The following PCDHGA3 variants were observed in gnomAD, a reference collection of about 807,000 sequenced individuals.
The protein encoded by PCDHGA3 is protocadherin gamma subfamily A, 3, also known as protocadherin gamma-A3.
PCDHGA3 carries 40 observed loss-of-function variants against 58.5 expected under a neutral mutation model. The ratio of observed to expected loss-of-function variants is 0.68; its 90% CI spans 0.53 to 0.89. PCDHGA3 has a LOEUF of 0.89. Ranked by LOEUF, PCDHGA3 falls within the 40% of genes least tolerant of loss-of-function variation. The pLI, the probability that PCDHGA3 is intolerant of heterozygous loss-of-function variation, is 0.00. For synonymous variants in PCDHGA3, 530 were observed against 525.7 expected (o/e 1.01, Z -0.11); for missense variants, 1,223 against 1,195.9 (o/e 1.02, Z -0.33).
At position 141,398,135 on chromosome 5, in the gene PCDHGA3, G is replaced by A. The variant is rs771670845; in HGVS notation, c.2424+51678G>A. ...CTGAGGAGAGCAAGAGGGATGGGGAGCGGCGCCGGGGAGCTGGGCCGGGCT... is the reference window on the plus strand; with the variant it reads ...CTGAGGAGAGCAAGAGGGATGGGGAACGGCGCCGGGGAGCTGGGCCGGGCT... On this transcript the variant is annotated intron_variant, in intron 1 of 3. Transcript: ENST00000253812. 4 of 1,556,792 alleles carry A rather than the reference G, an allele frequency of 2.6e-6. No individual in the cohort carries two copies. Among genetic ancestry groups the A allele is most frequent in the Non-Finnish European group, 3.5e-6 (4 of 1,157,318 alleles).
At chr5:141,352,001 G>C in intron 1 of PCDHGA3, 2 of 1,610,646 alleles carry the variant, frequency 1.2e-6, no homozygotes, top group East Asian at 2.2e-5. Flanking sequence ...CGCAGAGCCC[G>C]GCTACCTGGT....
chr5:141,444,082 A>G (rs942113441), intron 1 of PCDHGA3, among the ~76,000 whole-genome samples: 2 of 151,044 alleles, frequency 1.3e-5, no homozygotes, highest in African/African-American at 2.4e-5. Flanking sequence ...TCACCTGAAA[A>G]GTCTGCTAAG....
At chr5:141,421,306 T>C (rs1356157966) in intron 1 of PCDHGA3, 1 of 1,613,564 alleles carries the variant, frequency 6.2e-7, no homozygotes, top group South Asian at 1.1e-5. Context: ...GCTGCGGGGG[T>C]TCCGGGCCAG....
chr5:141,373,347 G>A (rs1769499263), intron 1 of PCDHGA3, among the ~76,000 whole-genome samples: 1 of 152,178 alleles, frequency 6.6e-6, no homozygotes. Context: ...GGCAACTCTT[G>A]TAATGGGCAC....
At position 141,356,954 on chromosome 5, in the gene PCDHGA3, G is replaced by C. The variant is rs769188767; in HGVS notation, c.2424+10497G>C. On this transcript the variant is annotated intron_variant, in intron 1 of 3. Coordinates refer to ENST00000253812, the MANE Select transcript of PCDHGA3 (RefSeq NM_018916.4). ...CTGGCACCCCGCTCCGCAGATTCCG[G>C]CTACCTGGTGACCAAAGTGGTGGCA... is the stretch of plus-strand genomic sequence containing the variant. The C allele has an allele frequency of 1.5e-5, 24 of 1,614,098 alleles. No individual in the cohort carries two copies. The Admixed American group carries it at 4.0e-4, about 27-fold the overall frequency.
rs1452602466 is a variant in PCDHGA3 at position 141,481,941 on chromosome 5, C to A, written c.2425-12866C>A. Among the ~76,000 whole-genome samples, 4 of 146,990 alleles carry A rather than the reference C, an allele frequency of 2.7e-5. No individual in the cohort carries two copies. The Admixed American group carries it at 2.7e-4, about 10-fold the overall frequency. On this transcript the variant is annotated intron_variant, in intron 1 of 3. Coordinates refer to ENST00000253812, the MANE Select transcript of PCDHGA3 (RefSeq NM_018916.4). ...AAAAAAAAAAAAAAAAAAAATCAGC[C>A]AGATGTGGTGGCAGGTGCCTGTAGT...
intron 1 of PCDHGA3, chr5:141,352,609 G>T: frequency 1.2e-6 from 2 of 1,613,458 alleles, no homozygotes; most frequent in Non-Finnish European, 1.7e-6. Context: ...ATCCTTCTAT[G>T]GTTGTATGTG....
intron 1 of PCDHGA3, chr5:141,394,876 G>T: frequency 1.2e-6 from 2 of 1,613,866 alleles, no homozygotes; most frequent in Middle Eastern, 1.6e-4. Flanking sequence ...AACGATTCGA[G>T]CCTTACACTC....
intron 1 of PCDHGA3, among the ~76,000 whole-genome samples, chr5:141,444,175 TTTTTTTTTTTTTTG>T (rs2098423325): frequency 7.6e-6 from 1 of 131,192 alleles, no homozygotes; most frequent in African/African-American, 3.0e-5. Flanking sequence ...TTTTTTTTTT[TTTTTTTTTTTTTTG>T]AGATGGAGTT....
At chr5:141,507,531 C>T (rs1467914007) in intron 3 of PCDHGA3, among the ~76,000 whole-genome samples, 3 of 151,964 alleles carry the variant, frequency 2.0e-5, no homozygotes, top group African/African-American at 7.2e-5. Flanking sequence ...CCAGAGAGGC[C>T]AGAGACTGAG....
At position 141,415,074 on chromosome 5, in the gene PCDHGA3, G is replaced by C; in HGVS notation, c.2424+68617G>C. 3 of 1,613,448 alleles carry C rather than the reference G, an allele frequency of 1.9e-6. No homozygotes were observed. In the South Asian group the frequency reaches 3.3e-5, roughly 18 times the overall value. On this transcript the variant is annotated intron_variant, in intron 1 of 3. Coordinates refer to ENST00000253812, the MANE Select transcript of PCDHGA3 (RefSeq NM_018916.4). ...AGCACACGGGCGAGGTGCGCACGGCGCGAGCCCTGCTGGACAGAGACGCGC... is the reference window on the plus strand; with the variant it reads ...AGCACACGGGCGAGGTGCGCACGGCCCGAGCCCTGCTGGACAGAGACGCGC...
At chr5:141,436,208 A>G (rs1287696925) in intron 1 of PCDHGA3, among the ~76,000 whole-genome samples, 1 of 152,152 alleles carries the variant, frequency 6.6e-6, no homozygotes, top group Non-Finnish European at 1.5e-5. Context: ...CATAATAGGA[A>G]AACAAATGAC....
At chr5:141,375,453 A>C in intron 1 of PCDHGA3, 1 of 1,613,612 alleles carries the variant, frequency 6.2e-7, no homozygotes, top group South Asian at 1.1e-5. Flanking sequence ...CATTCATCCT[A>C]CTCAGTCTAT....
chr5:141,351,139 T>C, intron 1 of PCDHGA3: 1 of 1,613,992 alleles, frequency 6.2e-7, no homozygotes, highest in Non-Finnish European at 8.5e-7. Flanking sequence ...TCAATCCAAA[T>C]ACTGGCGACA....
intron 1 of PCDHGA3, chr5:141,428,211 C>T (rs777952475): frequency 2.2e-5 from 28 of 1,284,198 alleles, no homozygotes; most frequent in South Asian, 4.9e-5. Flanking sequence ...CTACGCTTCA[C>T]CTAGTCTTCG....
intron 2 of PCDHGA3, among the ~76,000 whole-genome samples, chr5:141,497,132 G>T (rs2099774325): frequency 6.6e-6 from 1 of 152,046 alleles, no homozygotes; most frequent in Non-Finnish European, 1.5e-5. Context: ...GTTGCAGTGA[G>T]CTGAGATCAC....
intron 1 of PCDHGA3, chr5:141,366,399 C>T: frequency 6.2e-7 from 1 of 1,614,192 alleles, no homozygotes; most frequent in Non-Finnish European, 8.5e-7. Context: ...CTGGACCTCA[C>T]ACTCTATCTT....
chr5:141,371,799 GCCT>G, intron 1 of PCDHGA3: 21 of 1,613,926 alleles, frequency 1.3e-5, no homozygotes, highest in Non-Finnish European at 1.7e-5. Context: ...TCCGCCTGGA[GCCT>G]CCATTGCGCA....
In PCDHGA3 at chr5:141,476,303, G is replaced by T. The variant is rs747567754; in HGVS notation, c.2425-18504G>T. ...TGGTTTGGATCTCGGTAGCCTCTCA[G>T]CCCGCAGGTTCCGGGTGGTGTCTGG... is the stretch of plus-strand genomic sequence containing the variant. On this transcript the variant is annotated intron_variant, in intron 1 of 3. Coordinates refer to ENST00000253812, the MANE Select transcript of PCDHGA3 (RefSeq NM_018916.4). The surrounding 1 kb of genome is among the most constrained non-coding windows in gnomAD (Gnocchi z 7.6). 6.2e-7 allele frequency: 1 copy of T among 1,613,872 alleles called. No individual in the cohort carries two copies. Among genetic ancestry groups the T allele is most frequent in the Admixed American group, 1.7e-5 (1 of 60,000 alleles).
Sources: gnomAD v4.1 joint callset for allele counts (sites outside exome capture counted in the v4.1 genomes callset) on GRCh38, gnomAD v4.1.1 for gene constraint, Gnocchi (gnomAD v3.1) non-coding constraint, MANE v1.5 for transcripts, NCBI Gene and HGNC (gene_info 2026-07-23, HGNC 2026-07-21) for gene names.